MGAT5B: variants seen among roughly 807,000 people sequenced by gnomAD.
MGAT5B encodes alpha-1,6-mannosylglycoprotein 6-beta-N-acetylglucosaminyltransferase B, also known as N-acetylglucosaminyl-transferase Vb.
Under a neutral mutation model 95.1 loss-of-function variants are expected in MGAT5B, and 54 were observed. The observed-to-expected ratio is 0.57, with a 90% CI of 0.46 to 0.71. The LOEUF (loss-of-function observed/expected upper bound fraction) is 0.71, where lower values mean the gene tolerates loss of function less well. Ranked by LOEUF, MGAT5B falls within the 30% of genes least tolerant of loss-of-function variation. The probability of loss-of-function intolerance (pLI) is 0.00; values close to 1 mark genes in which losing one functional copy is unlikely to be tolerated. For synonymous variants in MGAT5B, 464 were observed against 451.0 expected (o/e 1.03, Z -0.36); for missense variants, 935 against 1,088.6 (o/e 0.86, Z 1.99).
In MGAT5B at chr17:76,912,865, G is replaced by A. The variant is rs1402173410; in HGVS notation, c.1025+6678G>A. 7.2e-5 allele frequency among the ~76,000 whole-genome samples: 11 copies of A among 152,198 alleles called. 1 individual carries two copies. Among genetic ancestry groups the A allele is most frequent in the South Asian group, 6.2e-4 (3 of 4,822 alleles). On this transcript the variant is annotated intron_variant, in intron 8 of 17. Transcript: ENST00000569840. This position sits in a 1 kb window ranked among gnomAD's most constrained non-coding sequence, Gnocchi z 5.0. ...CTGCCCAGCCGCTGCATCCTGAGAC[G>A]GCCTCGTGCATGTGCAGGTCCAGGG...
At chr17:76,942,873 T>C (rs1969904857) in intron 15 of MGAT5B, among the ~76,000 whole-genome samples, 1 of 152,144 alleles carries the variant, frequency 6.6e-6, no homozygotes, top group Non-Finnish European at 1.5e-5. Flanking sequence ...TCCCCTCCCC[T>C]TGCAAACCAA....
chr17:76,935,385 A>C (rs1562086), intron 12 of MGAT5B, among the ~76,000 whole-genome samples: 59,251 of 151,980 alleles, frequency 0.39, 12,090 homozygotes, highest in Admixed American at 0.46. Context: ...CCAAGAATAT[A>C]ATGGCTGGTT....
At chr17:76,926,834 T>C (rs878995852) in intron 10 of MGAT5B, 104 bp downstream of exon 10, 160 of 1,412,086 alleles carry the variant, frequency 1.1e-4, no homozygotes, top group Admixed American at 1.9e-5. Flanking sequence ...TCTTTCCTTC[T>C]CCAGCCAGTG....
At chr17:76,900,391 A>C (rs1968261891) in intron 3 of MGAT5B, among the ~76,000 whole-genome samples, 1 of 152,152 alleles carries the variant, frequency 6.6e-6, no homozygotes, top group African/African-American at 2.4e-5. Flanking sequence ...CCTCATTTGG[A>C]TATAAGCTCT....
chr17:76,878,174 C>T (rs564855932), intron 2 of MGAT5B, among the ~76,000 whole-genome samples: 6 of 152,228 alleles, frequency 3.9e-5, no homozygotes, highest in African/African-American at 1.4e-4. Context: ...GCCTGACCTG[C>T]TTCCCTCCTG....
chr17:76,946,269 A>T (rs779464727), intron 15 of MGAT5B, 107 bp from the exon 16 acceptor site: 4 of 915,874 alleles, frequency 4.4e-6, no homozygotes, highest in Non-Finnish European at 6.6e-6. Flanking sequence ...TGGGCATGGC[A>T]CAGGATGTGA....
rs1171157356 is a variant in MGAT5B at position 76,916,605 on chromosome 17, C to T, written c.1026-8361C>T. ...CTTGAGTCTAGGAGTTCAAGACCAA[C>T]CTGAGCAAGGAAACCTCATCTCTAC... On this transcript the variant is annotated intron_variant, in intron 8 of 17. Coordinates refer to ENST00000569840, the MANE Select transcript of MGAT5B (RefSeq NM_001199172.2). This position sits in a 1 kb window ranked among gnomAD's most constrained non-coding sequence, Gnocchi z 5.3. 6.6e-6 allele frequency among the ~76,000 whole-genome samples: 1 copy of T among 152,180 alleles called. No homozygotes were observed. Among genetic ancestry groups the T allele is most frequent in the African/African-American group, 2.4e-5 (1 of 41,438 alleles).
At position 76,903,324 on chromosome 17, in the gene MGAT5B, A is replaced by C. The variant is rs1261107519; in HGVS notation, c.467A>C (p.Gln156Pro). 6.2e-7 allele frequency: 1 copy of C among 1,610,786 alleles called. No individual in the cohort carries two copies. Residue 156 changes from glutamine to proline, a missense_variant, in exon 5 of 18, where the codon CAG becomes CCG. By Grantham distance (76) the Gln-to-Pro change is moderately conservative. Coordinates refer to ENST00000569840, the MANE Select transcript of MGAT5B (RefSeq NM_001199172.2). ...ACAGTGTCAGAAGGCCGGCGGGACC[A>C]GTGTGAGGCACCCAGTGACCCCAAG... ...HSKVSEGRRDQCEAPSDPKFP... is the reference protein window; with the variant it reads ...HSKVSEGRRDPCEAPSDPKFP...
At position 76,948,078 on chromosome 17, in the gene MGAT5B, C is replaced by G; in HGVS notation, c.2172C>G (p.Ala724=). ...TCCCCTTCCTGAACAGCCAGGACGC[C>G]TTCCTCAAGTGAGTGTTCCCCCACC... ...SFFPFLNSQD[A]FLKLQVPCDS... The change falls in exon 17 of 18, where the codon GCC becomes GCG. Residue 724 remains alanine (A), a synonymous_variant. Transcript: ENST00000569840. 1 of 1,599,380 alleles carries G rather than the reference C, an allele frequency of 6.3e-7. No homozygotes were observed.
In MGAT5B at chr17:76,902,570, C is replaced by T. The variant is rs147177082; in HGVS notation, c.345C>T (p.Ala115=). 2.4e-4 allele frequency: 375 copies of T among 1,595,630 alleles called. No individual in the cohort carries two copies. The highest frequency in any genetic ancestry group is 5.7e-4 in the East Asian group (25 of 43,780). Residue 115 remains alanine (A), a synonymous_variant, in exon 4 of 18, where the codon GCC becomes GCT. Transcript: ENST00000569840. The stretch of plus-strand genomic sequence containing the variant: ...TCCCACTTAGGATGCCCCCTGGGGC[C>T]GGCCTCATGGAGCGGATCCAGGCTA... ...HFPADRMPPG[A]GLMERIQAIA... is the part of the protein sequence containing the mutation.
intron 2 of MGAT5B, among the ~76,000 whole-genome samples, chr17:76,874,087 G>A (rs1967097372): frequency 1.3e-5 from 2 of 152,092 alleles, no homozygotes; most frequent in South Asian, 2.1e-4. Flanking sequence ...GGAATCTCAC[G>A]CTTATTAGTC....
chr17:76,870,808 C>CTGTTCCCTG lies in MGAT5B; in HGVS notation c.68+1714_68+1722dup, dbSNP rs1034237843. Among the ~76,000 whole-genome samples, 1 of 151,576 alleles carries CTGTTCCCTG rather than the reference C, an allele frequency of 6.6e-6. No homozygotes were observed. Among genetic ancestry groups the CTGTTCCCTG allele is most frequent in the African/African-American group, 2.4e-5 (1 of 41,136 alleles). ...TCATCCTCAAAGGCAGGCTGGGGTCCTGTTCCCTGTGGTTTTCCCAGGGCT... is the reference window on the plus strand; with the variant it reads ...TCATCCTCAAAGGCAGGCTGGGGTCCTGTTCCCTGTGTTCCCTGTGGTTTTCCCAGGGCT... On this transcript the variant is annotated intron_variant, in intron 1 of 17. Coordinates refer to ENST00000569840, the MANE Select transcript of MGAT5B (RefSeq NM_001199172.2). The surrounding 1 kb of genome is among the most constrained non-coding windows in gnomAD (Gnocchi z 5.0).
At position 76,948,078 on chromosome 17, in the gene MGAT5B, C is replaced by T. The variant is rs1194135936; in HGVS notation, c.2172C>T (p.Ala724=). Residue 724 remains alanine, a synonymous_variant, in exon 17 of 18, where the codon GCC becomes GCT. Coordinates refer to ENST00000569840, the MANE Select transcript of MGAT5B (RefSeq NM_001199172.2). ...TCCCCTTCCTGAACAGCCAGGACGC[C>T]TTCCTCAAGTGAGTGTTCCCCCACC... is the stretch of plus-strand genomic sequence containing the variant. ...SFFPFLNSQD[A]FLKLQVPCDS... 6.3e-6 allele frequency: 10 copies of T among 1,599,380 alleles called. No homozygotes were observed. The highest frequency in any genetic ancestry group is 8.5e-6 in the Non-Finnish European group (10 of 1,172,336).
chr17:76,899,987 G>T (rs188844038), intron 3 of MGAT5B, among the ~76,000 whole-genome samples: 216 of 152,288 alleles, frequency 1.4e-3, no homozygotes, highest in African/African-American at 5.0e-3. Flanking sequence ...TGCTGATCAC[G>T]AATGCAAACA....
At chr17:76,873,594 G>T (rs1967080733) in intron 2 of MGAT5B, among the ~76,000 whole-genome samples, 1 of 152,220 alleles carries the variant, frequency 6.6e-6, no homozygotes, top group African/African-American at 2.4e-5. Context: ...GATTGAAGGG[G>T]CTCACACGTG....
chr17:76,927,766 T>C (rs1228847932), intron 10 of MGAT5B, among the ~76,000 whole-genome samples: 1 of 152,250 alleles, frequency 6.6e-6, no homozygotes, highest in Non-Finnish European at 1.5e-5. Flanking sequence ...GGCTCTCAGC[T>C]GTCACTTTTA....
chr17:76,897,855 A>C (rs1262144374), intron 3 of MGAT5B, among the ~76,000 whole-genome samples: 1 of 149,780 alleles, frequency 6.7e-6, no homozygotes, highest in Non-Finnish European at 1.5e-5. Context: ...CAGGAGTTTG[A>C]GACCAGCCTG....
At chr17:76,931,983 C>T (rs1180105578) in intron 10 of MGAT5B, among the ~76,000 whole-genome samples, 1 of 152,066 alleles carries the variant, frequency 6.6e-6, no homozygotes, top group African/African-American at 2.4e-5. Context: ...TAGGCTGCTG[C>T]TGCTACTGCT....
At chr17:76,899,030 A>G (rs1968202248) in intron 3 of MGAT5B, among the ~76,000 whole-genome samples, 1 of 152,210 alleles carries the variant, frequency 6.6e-6, no homozygotes, top group African/African-American at 2.4e-5. Flanking sequence ...ACCGTGGGTC[A>G]GGGGGTTCAG....
Sources: gnomAD v4.1 joint callset for allele counts (sites outside exome capture counted in the v4.1 genomes callset) on GRCh38, gnomAD v4.1.1 for gene constraint, Gnocchi (gnomAD v3.1) non-coding constraint, MANE v1.5 for transcripts, NCBI Gene and HGNC (gene_info 2026-07-23, HGNC 2026-07-21) for gene names.